NKAIN3: variants seen among roughly 807,000 people sequenced by gnomAD.
The protein encoded by NKAIN3 is sodium/potassium transporting ATPase interacting 3, also known as sodium/potassium-transporting ATPase subunit beta-1-interacting protein 3.
Under a neutral mutation model 30.2 loss-of-function variants are expected in NKAIN3, and 25 were observed. The ratio of observed to expected loss-of-function variants is 0.83; its 90% CI spans 0.60 to 1.16. The LOEUF (loss-of-function observed/expected upper bound fraction) is 1.16, where lower values mean the gene tolerates loss of function less well. NKAIN3 is among the 50% of genes most tolerant of loss of function. The probability of loss-of-function intolerance (pLI) is 0.00; values close to 1 mark genes in which losing one functional copy is unlikely to be tolerated. For synonymous variants in NKAIN3, 91 were observed against 89.6 expected, an observed-to-expected ratio of 1.02 and a Z score of -0.09; for missense variants, 225 against 254.1, an observed-to-expected ratio of 0.89 and a Z score of 0.78.
At chr8:62,828,650 T>G (rs1413003190) in intron 4 of NKAIN3, among the ~76,000 whole-genome samples, 1 of 152,164 alleles carries the variant, frequency 6.6e-6, no homozygotes, top group Non-Finnish European at 1.5e-5. Context: ...CTGTTAGAGC[T>G]CTGTGATTGC....
intron 1 of NKAIN3, among the ~76,000 whole-genome samples, chr8:62,251,844 A>G (rs1008605479): frequency 9.9e-5 from 15 of 152,210 alleles, no homozygotes; most frequent in African/African-American, 3.6e-4. Context: ...TTTCCGTCAT[A>G]TACATAAGAT....
At chr8:62,295,419 C>T (rs905284334) in intron 1 of NKAIN3, among the ~76,000 whole-genome samples, 1 of 152,160 alleles carries the variant, frequency 6.6e-6, no homozygotes, top group Non-Finnish European at 1.5e-5. Flanking sequence ...TTTCATGCAA[C>T]AACTTGGAGT....
chr8:62,400,784 A>G (rs745729331), intron 1 of NKAIN3, among the ~76,000 whole-genome samples: 4 of 151,454 alleles, frequency 2.6e-5, no homozygotes, highest in African/African-American at 4.9e-5. Flanking sequence ...GTCCGCTGCC[A>G]CATGTATTGG....
chr8:62,518,377 A>G (rs141850722), intron 1 of NKAIN3, among the ~76,000 whole-genome samples: 191 of 152,176 alleles, frequency 1.3e-3, no homozygotes, highest in East Asian at 9.7e-3. Context: ...AAAAAAAGAT[A>G]TCCAGTTGAT....
intron 3 of NKAIN3, among the ~76,000 whole-genome samples, chr8:62,687,594 G>T (rs1265835391): frequency 6.6e-6 from 1 of 152,108 alleles, no homozygotes; most frequent in African/African-American, 2.4e-5. Flanking sequence ...CCCTCTTTCT[G>T]AAACAGTTCT....
At chr8:62,876,425 A>G (rs1366799670) in intron 4 of NKAIN3, among the ~76,000 whole-genome samples, 1 of 152,222 alleles carries the variant, frequency 6.6e-6, no homozygotes, top group African/African-American at 2.4e-5. Flanking sequence ...ATGATCTAGA[A>G]TCAGAAATAC....
chr8:62,907,085 T>C (rs1821798097), intron 4 of NKAIN3, among the ~76,000 whole-genome samples: 1 of 152,168 alleles, frequency 6.6e-6, no homozygotes, highest in Non-Finnish European at 1.5e-5. Flanking sequence ...TTGAGTAGTC[T>C]CAGATAGAGA....
At chr8:62,487,119 T>G (rs1024658868) in intron 1 of NKAIN3, among the ~76,000 whole-genome samples, 2 of 152,228 alleles carry the variant, frequency 1.3e-5, no homozygotes, top group Non-Finnish European at 2.9e-5. Flanking sequence ...GGCCTGAACA[T>G]TTAAAATATC....
intron 1 of NKAIN3, among the ~76,000 whole-genome samples, chr8:62,359,056 C>A (rs1266711118): frequency 6.6e-6 from 1 of 151,966 alleles, no homozygotes; most frequent in Admixed American, 6.6e-5. Context: ...TGGTGGCGGG[C>A]GCCTGTATTC....
At chr8:62,529,698 G>T (rs954832570) in intron 1 of NKAIN3, among the ~76,000 whole-genome samples, 7 of 152,090 alleles carry the variant, frequency 4.6e-5, no homozygotes, top group African/African-American at 1.2e-4. Flanking sequence ...ATAAATATTT[G>T]TTGTTTATAA....
chr8:62,996,807 T>G (rs190735009), intron 5 of NKAIN3, among the ~76,000 whole-genome samples: 81 of 152,320 alleles, frequency 5.3e-4, no homozygotes, highest in African/African-American at 1.8e-3. Flanking sequence ...AATGATCTCC[T>G]TTGACTCCAT....
intron 3 of NKAIN3, among the ~76,000 whole-genome samples, chr8:62,617,581 C>A (rs936591084): frequency 3.3e-5 from 5 of 152,172 alleles, no homozygotes; most frequent in African/African-American, 1.2e-4. Context: ...TTGTTTCCTC[C>A]TAACATCAGT....
chr8:62,546,285 G>A (rs746120249), intron 1 of NKAIN3, among the ~76,000 whole-genome samples: 63 of 152,140 alleles, frequency 4.1e-4, no homozygotes, highest in Non-Finnish European at 7.2e-4. Context: ...TCCTAGGCAT[G>A]ATATTAGAGT....
At chr8:62,802,447 A>G (rs1461293613) in intron 4 of NKAIN3, among the ~76,000 whole-genome samples, 1 of 152,234 alleles carries the variant, frequency 6.6e-6, no homozygotes, top group Admixed American at 6.5e-5. Context: ...AAGCCAGAAG[A>G]GAGTGGGGGC....
intron 1 of NKAIN3, among the ~76,000 whole-genome samples, chr8:62,338,688 G>T (rs1815644419): frequency 6.6e-6 from 1 of 152,108 alleles, no homozygotes; most frequent in African/African-American, 2.4e-5. Flanking sequence ...AGCAAAGAAA[G>T]CCAGTCCGAG....
chr8:62,745,075 C>T (rs1816024784), intron 3 of NKAIN3, among the ~76,000 whole-genome samples: 1 of 152,202 alleles, frequency 6.6e-6, no homozygotes, highest in African/African-American at 2.4e-5. Flanking sequence ...AAGAGGGTTT[C>T]CCTACTGTCC....
At position 62,855,531 on chromosome 8, in the gene NKAIN3, G is replaced by A. The variant is rs1820036180; in HGVS notation, c.472-62922G>A. The A allele has an allele frequency of 2.0e-6, 3 of 1,467,954 alleles. No individual in the cohort carries two copies. The East Asian group carries it at 6.8e-5, about 33-fold the overall frequency. The allele number at this position is 1,467,954 out of a possible 1,614,324, so 90.9% of individuals were successfully genotyped here. On this transcript the variant is annotated intron_variant, in intron 4 of 6. Transcript: ENST00000623646. ...GGATTGTAATCTGGTGGGTAAACAA[G>A]CTCCTTAAACTCAACCACCAGGGAG...
chr8:62,431,680 G>A (rs1696915202), intron 1 of NKAIN3, among the ~76,000 whole-genome samples: 1 of 151,688 alleles, frequency 6.6e-6, no homozygotes, highest in South Asian at 2.1e-4. Context: ...TGATTTTCTT[G>A]TATTTTAAAA....
chr8:62,806,211 G>T (rs1818274896), intron 4 of NKAIN3, among the ~76,000 whole-genome samples: 2 of 152,226 alleles, frequency 1.3e-5, no homozygotes, highest in Non-Finnish European at 2.9e-5. Context: ...TGGTGGGACT[G>T]TAAACTAGTT....
Sources: allele counts gnomAD v4.1 joint callset (sites outside exome capture counted in the v4.1 genomes callset), GRCh38; gene constraint gnomAD v4.1.1; transcripts MANE v1.5; gene names NCBI Gene and HGNC (gene_info 2026-07-23, HGNC 2026-07-21).